Variants in ANKRD11 observed in about 807,000 individuals in gnomAD.
ANKRD11 encodes the protein ankyrin repeat domain 11, also known as ankyrin repeat domain-containing protein 11.
Under a neutral mutation model 195.7 loss-of-function variants are expected in ANKRD11, and 17 were observed. The observed-to-expected ratio is 0.09, with a 90% CI of 0.06 to 0.13. The LOEUF is 0.13. Ranked by LOEUF, ANKRD11 falls within the 10% of genes least tolerant of loss-of-function variation. The pLI, the probability that ANKRD11 is intolerant of heterozygous loss-of-function variation, is 1.00. For missense variants in ANKRD11, 3,735 were observed against 3,566.1 expected (o/e 1.05, Z -1.21); for synonymous variants, 1,953 against 1,528.1 (o/e 1.28, Z -6.49).
intron 1 of ANKRD11, among the ~76,000 whole-genome samples, chr16:89,433,572 C>T (rs2043088932): frequency 2.0e-5 from 3 of 152,216 alleles, no homozygotes; most frequent in South Asian, 2.1e-4. Context: ...CAGGGTTGGA[C>T]GTGGGGGCTG....
At chr16:89,393,141 G>C (rs983718033) in intron 2 of ANKRD11, among the ~76,000 whole-genome samples, 10 of 151,870 alleles carry the variant, frequency 6.6e-5, no homozygotes, top group African/African-American at 2.4e-4. Context: ...GGAGCCTCTG[G>C]AAGTCTCCCT....
chr16:89,290,713 G>A lies in ANKRD11; in HGVS notation c.513C>T (p.Arg171=). ...VNKRNERGET[R]LHRAAIRGDA... ...CCCCGCGGATGGCGGCTCGGTGCAGGCGGGTCTCTCCACGCTCGTTTCTCT... is the reference window on the plus strand; with the variant it reads ...CCCCGCGGATGGCGGCTCGGTGCAGACGGGTCTCTCCACGCTCGTTTCTCT... The change falls in exon 6 of 13, where the codon CGC becomes CGT. Residue 171 remains arginine (R), a synonymous_variant. Transcript: ENST00000301030. 1 of 1,613,788 alleles carries A rather than the reference G, an allele frequency of 6.2e-7. No homozygotes were observed. Among genetic ancestry groups the A allele is most frequent in the Non-Finnish European group, 8.5e-7 (1 of 1,180,016 alleles).
At position 89,342,222 on chromosome 16, in the gene ANKRD11, G is replaced by A. The variant is rs117646297; in HGVS notation, c.-59-25144C>T. On this transcript the variant is annotated intron_variant, in intron 2 of 12. Coordinates refer to ENST00000301030, the MANE Select transcript of ANKRD11 (RefSeq NM_013275.6). ...AGGTCTCCACCATGAGAGAGAAAAA[G>A]ATGAGGTCAACTGCCTGGGCAAAGG... Among the ~76,000 whole-genome samples, 25 of 152,382 alleles carry A rather than the reference G, an allele frequency of 1.6e-4. No homozygotes were observed. In the East Asian group the frequency reaches 4.4e-3, roughly 27 times the overall value.
chr16:89,337,300 G>A (rs922862289), intron 2 of ANKRD11, among the ~76,000 whole-genome samples: 1 of 151,848 alleles, frequency 6.6e-6, no homozygotes, highest in Non-Finnish European at 1.5e-5. Flanking sequence ...ACTTCAGGTG[G>A]CTCGGAATCC....
chr16:89,291,625 G>T lies in ANKRD11; in HGVS notation c.227-442C>A. 1 of 1,216,004 alleles carries T rather than the reference G, an allele frequency of 8.2e-7. No homozygotes were observed. The highest frequency in any genetic ancestry group is 1.1e-6 in the Non-Finnish European group (1 of 920,890). The allele number at this position is 1,216,004 out of a possible 1,614,324, so 75.3% of individuals were successfully genotyped here. On this transcript the variant is annotated intron_variant, in intron 4 of 12. Transcript: ENST00000301030. The surrounding 1 kb of genome is among the most constrained non-coding windows in gnomAD (Gnocchi z 5.3). ...CCTCCAAACAGTGCAGATATAAAAT[G>T]GCAGACACAGTTTAAAACACATCAG...
In ANKRD11 at chr16:89,281,001, C is replaced by A. The variant is rs748945820; in HGVS notation, c.5541G>T (p.Ser1847=). The A allele has an allele frequency of 2.5e-6, 4 of 1,580,574 alleles. No individual in the cohort carries two copies. The highest frequency in any genetic ancestry group is 1.7e-6 in the Non-Finnish European group (2 of 1,161,770). The part of the protein sequence containing the change: ...PVPAEKFACL[S]PGYYSPDYGL... ...CATAGTCTGGGGAGTAGTACCCTGGCGACAAGCAGGCAAACTTCTCCGCGG... is the reference window on the plus strand; with the variant it reads ...CATAGTCTGGGGAGTAGTACCCTGGAGACAAGCAGGCAAACTTCTCCGCGG... Residue 1847 remains serine (S), a synonymous_variant, in exon 9 of 13, where the codon TCG becomes TCT. Coordinates refer to ENST00000301030, the MANE Select transcript of ANKRD11 (RefSeq NM_013275.6). This position sits in a 1 kb window ranked among gnomAD's most constrained non-coding sequence, Gnocchi z 5.5.
rs1488767492 is a variant in ANKRD11 at position 89,469,838 on chromosome 16, C to T, written c.-145+20407G>A. On this transcript the variant is annotated intron_variant, in intron 1 of 12. Transcript: ENST00000301030. ...GGCGTGAACCCGGGAGCGGCAGTTG[C>T]AGGGAGCCAAGATCGCGCCCGGAGA... Among the ~76,000 whole-genome samples, 14 of 113,486 alleles carry T rather than the reference C, an allele frequency of 1.2e-4. No individual in the cohort carries two copies. The South Asian group carries it at 1.8e-3, about 15-fold the overall frequency. 74.5% of individuals were successfully genotyped at this position (113,486 alleles called of 152,430 possible). A position where few individuals can be genotyped will look rare whatever the true frequency, so the allele number is the denominator to read the frequency against.
At chr16:89,475,866 A>G (rs2057240500) in intron 1 of ANKRD11, among the ~76,000 whole-genome samples, 1 of 152,098 alleles carries the variant, frequency 6.6e-6, no homozygotes, top group Non-Finnish European at 1.5e-5. Context: ...CCTGGCCAAC[A>G]TGGTGAAACC....
intron 9 of ANKRD11, chr16:89,278,760 G>C: frequency 1.8e-6 from 1 of 566,282 alleles, no homozygotes; most frequent in Non-Finnish European, 3.4e-6. Flanking sequence ...AGTGGAGAGG[G>C]GAGAGTGAGC....
Position 89,270,837 on chromosome 16 carries a change from C to T in ANKRD11, c.7786G>A (p.Asp2596Asn), listed in dbSNP as rs2033086146. ...QFISWLQDVD[D>N]KYDRMKTCLL... is the part of the protein sequence containing the mutation. The stretch of plus-strand genomic sequence containing the variant: ...CCGACCTTCATGCGGTCATACTTGT[C>T]ATCCACGTCCTGGAGCCAGGAGATG... Residue 2596 changes from aspartate to asparagine, a missense_variant, in exon 12 of 13, where the codon GAC becomes AAC. By Grantham distance (23) the Asp-to-Asn change is conservative. Coordinates refer to ENST00000301030, the MANE Select transcript of ANKRD11 (RefSeq NM_013275.6). 2 of 1,613,904 alleles carry T rather than the reference C, an allele frequency of 1.2e-6. No homozygotes were observed. Among genetic ancestry groups the T allele is most frequent in the African/African-American group, 1.3e-5 (1 of 74,916 alleles).
intron 12 of ANKRD11, chr16:89,270,343 T>C (rs888005419): frequency 4.4e-4 from 110 of 249,962 alleles, no homozygotes; most frequent in Middle Eastern, 3.1e-3. Flanking sequence ...CTGTAACTTT[T>C]GGCAAGTTTC....
chr16:89,314,528 T>C (rs1467958239), intron 3 of ANKRD11, among the ~76,000 whole-genome samples: 1 of 152,192 alleles, frequency 6.6e-6, no homozygotes, highest in Non-Finnish European at 1.5e-5. Context: ...CTGCTCTCTG[T>C]GGCTCTTCCG....
intron 2 of ANKRD11, among the ~76,000 whole-genome samples, chr16:89,342,724 C>T (rs1458530031): frequency 1.3e-5 from 2 of 152,238 alleles, no homozygotes; most frequent in African/African-American, 4.8e-5. Flanking sequence ...AGAATTACTT[C>T]TCACTATAGT....
intron 2 of ANKRD11, among the ~76,000 whole-genome samples, chr16:89,403,090 C>T (rs2965811): frequency 0.022 from 3,320 of 152,306 alleles, 93 homozygotes; most frequent in East Asian, 0.14. Context: ...GCTGTCATCA[C>T]TGCACGTGGA....
At chr16:89,402,643 G>T (rs1452172398) in intron 2 of ANKRD11, among the ~76,000 whole-genome samples, 2 of 150,572 alleles carry the variant, frequency 1.3e-5, no homozygotes, top group Admixed American at 6.6e-5. Flanking sequence ...GGGTGGGGGG[G>T]GCAGCACTGC....
Position 89,290,252 on chromosome 16 carries a change from T to G in ANKRD11, c.601+373A>C, listed in dbSNP as rs1417946314. On this transcript the variant is annotated intron_variant, in intron 6 of 12. Coordinates refer to ENST00000301030, the MANE Select transcript of ANKRD11 (RefSeq NM_013275.6). Reference sequence around the variant, plus strand: ...GGAGGCTCAGGGCTCCAGCGGGGGGTAGGCTCAGGGCTCCAATGGGGGTAG... The same window carrying G: ...GGAGGCTCAGGGCTCCAGCGGGGGGGAGGCTCAGGGCTCCAATGGGGGTAG... Among the ~76,000 whole-genome samples the G allele has an allele frequency of 3.9e-3, 32 of 8,260 alleles. 1 individual carries two copies. Among genetic ancestry groups the G allele is most frequent in the Admixed American group, 0.022 (22 of 1,004 alleles). The allele number at this position is 8,260 out of a possible 152,430, so 5.4% of individuals were successfully genotyped here.
intron 1 of ANKRD11, among the ~76,000 whole-genome samples, chr16:89,436,348 G>A (rs1369597882): frequency 6.6e-6 from 1 of 152,044 alleles, no homozygotes; most frequent in Non-Finnish European, 1.5e-5. Flanking sequence ...CCAGGAGATG[G>A]AGGTTACAGT....
In ANKRD11 at chr16:89,279,294, G is replaced by A. The variant is rs756552353; in HGVS notation, c.7248C>T (p.Ala2416=). 10 of 1,611,672 alleles carry A rather than the reference G, an allele frequency of 6.2e-6. No individual in the cohort carries two copies. Among genetic ancestry groups the A allele is most frequent in the Non-Finnish European group, 8.5e-6 (10 of 1,179,654 alleles). ...CCAGCTTGATGGCGTCCACGATGGC[G>A]GCCAGCGTCTGCTGGATCACCTCCC... The part of the protein sequence containing the change: ...QTREVIQQTL[A]AIVDAIKLDA... The change falls in exon 9 of 13, where the codon GCC becomes GCT. Residue 2416 remains alanine (A), a synonymous_variant. Coordinates refer to ENST00000301030, the MANE Select transcript of ANKRD11 (RefSeq NM_013275.6). The surrounding 1 kb of genome is among the most constrained non-coding windows in gnomAD (Gnocchi z 5.6).
At chr16:89,323,292 G>T in intron 2 of ANKRD11, 4 of 1,288,914 alleles carry the variant, frequency 3.1e-6, no homozygotes, top group Non-Finnish European at 4.0e-6. Flanking sequence ...CAAAGCCCTT[G>T]AGTGACACAC....
Sources: allele counts gnomAD v4.1 joint callset (sites outside exome capture counted in the v4.1 genomes callset), GRCh38; gene constraint gnomAD v4.1.1; non-coding constraint Gnocchi (gnomAD v3.1); transcripts MANE v1.5; gene names NCBI Gene and HGNC (gene_info 2026-07-23, HGNC 2026-07-21).